The following COMTD1 variants were observed in gnomAD, a reference collection of about 807,000 sequenced individuals.
COMTD1 encodes catechol O-methyltransferase domain-containing protein 1.
COMTD1 carries 35 observed loss-of-function variants against 33.6 expected under a neutral mutation model. The observed-to-expected ratio is 1.04, with a 90% CI of 0.80 to 1.38. The LOEUF (loss-of-function observed/expected upper bound fraction) is 1.38. Among genes scored for constraint, COMTD1 ranks in the 40% most tolerant of loss-of-function variants. The pLI, the probability that COMTD1 is intolerant of heterozygous loss-of-function variation, is 0.00. For missense variants in COMTD1, 370 were observed against 363.4 expected, an observed-to-expected ratio of 1.02 and a Z score of -0.15; for synonymous variants, 160 against 176.8, an observed-to-expected ratio of 0.91 and a Z score of 0.75.
In COMTD1 at chr10:75,233,928, C is replaced by A; in HGVS notation, c.*145G>T. 6.5e-7 allele frequency: 1 copy of A among 1,527,302 alleles called. No individual in the cohort carries two copies. The highest frequency in any genetic ancestry group is 1.7e-4 in the Middle Eastern group (1 of 5,768). 94.6% of individuals were successfully genotyped at this position (1,527,302 alleles called of 1,614,324 possible). ...GCAGGAGCTGTCTGTGCTGGGCCTTCCCTCCCTTCCCCATCCAGCGCCACA... is the reference window on the plus strand; with the variant it reads ...GCAGGAGCTGTCTGTGCTGGGCCTTACCTCCCTTCCCCATCCAGCGCCACA... On this transcript the variant is annotated 3_prime_UTR_variant, in exon 7 of 7. Coordinates refer to ENST00000372538, the MANE Select transcript of COMTD1 (RefSeq NM_144589.4).
Position 75,234,195 on chromosome 10 carries a change from G to C in COMTD1, c.667C>G (p.Pro223Ala). Residue 223 changes from proline (P) to alanine (A), a missense_variant, in exon 7 of 7, where the codon CCG (proline) becomes GCG (alanine). Transcript: ENST00000372538. ...CACTCGGCCGCCACGTCCCCTTTCGGAGGTTGCAGCACCTTCCCGCGCCAC... is the reference window on the plus strand; with the variant it reads ...CACTCGGCCGCCACGTCCCCTTTCGCAGGTTGCAGCACCTTCCCGCGCCAC... Reference protein sequence around the residue: ...VLWRGKVLQPPKGDVAAECVR... With the variant: ...VLWRGKVLQPAKGDVAAECVR... The C allele has an allele frequency of 6.2e-7, 1 of 1,613,182 alleles. No individual in the cohort carries two copies. Among genetic ancestry groups the C allele is most frequent in the Non-Finnish European group, 8.5e-7 (1 of 1,180,016 alleles).
chr10:75,235,178 C>A lies in COMTD1; in HGVS notation c.329G>T (p.Gly110Val), dbSNP rs1031725514. The A allele has an allele frequency of 7.1e-7, 1 of 1,410,836 alleles. No homozygotes were observed. Among genetic ancestry groups the A allele is most frequent in the Non-Finnish European group, 9.2e-7 (1 of 1,088,080 alleles). The allele number at this position is 1,410,836 out of a possible 1,614,324, so 87.4% of individuals were successfully genotyped here. ...CAGGGCGGAGTAGCCCGTGAAGGTGCCTGGGACCAGGACACAGACGGGCTC... is the reference window on the plus strand; with the variant it reads ...CAGGGCGGAGTAGCCCGTGAAGGTGACTGGGACCAGGACACAGACGGGCTC... ...LIQAKKALDLGTFTGYSALAL... is the reference protein window; with the variant it reads ...LIQAKKALDLVTFTGYSALAL... The change falls in exon 4 of 7, where the codon GGC becomes GTC. Residue 110 changes from glycine to valine, a missense_variant and splice_region_variant. Gly to Val is a moderately radical substitution (Grantham distance 109). Transcript: ENST00000372538.
Position 75,233,853 on chromosome 10 carries a change from C to G in COMTD1, c.*220G>C. 1 of 1,270,058 alleles carries G rather than the reference C, an allele frequency of 7.9e-7. No individual in the cohort carries two copies. The allele number at this position is 1,270,058 out of a possible 1,614,324, so 78.7% of individuals were successfully genotyped here. A position where few individuals can be genotyped will look rare whatever the true frequency, so the allele number is the denominator to read the frequency against. On this transcript the variant is annotated 3_prime_UTR_variant, in exon 7 of 7. Transcript: ENST00000372538. ...GCTGGAGGTTCCTGCAGTTGGGCCACAGACCTGGCGCCAGGGAGGGGACGA... is the reference window on the plus strand; with the variant it reads ...GCTGGAGGTTCCTGCAGTTGGGCCAGAGACCTGGCGCCAGGGAGGGGACGA...
Position 75,234,053 on chromosome 10 carries a change from CCA to C in COMTD1, c.*18_*19del. The C allele has an allele frequency of 6.2e-7, 1 of 1,613,934 alleles. No individual in the cohort carries two copies. Among genetic ancestry groups the C allele is most frequent in the Non-Finnish European group, 8.5e-7 (1 of 1,180,028 alleles). On this transcript the variant is annotated 3_prime_UTR_variant, in exon 7 of 7. Transcript: ENST00000372538. ...GTTCCCAGGCAACCCTCCCTCGAGC[CCA>C]CTCACTAGGGGCCAGCCCTAGATCT...
intron 1 of COMTD1, 38 bp downstream of exon 1, chr10:75,235,797 G>GGGGGCCC: frequency 1.9e-6 from 3 of 1,538,632 alleles, no homozygotes; most frequent in Non-Finnish European, 2.6e-6. Context: ...CCTACTCTGC[G>GGGGGCCC]CCCGCCCACC....
Sources: allele counts gnomAD v4.1 joint callset, GRCh38; gene constraint gnomAD v4.1.1; transcripts MANE v1.5; gene names NCBI Gene and HGNC (gene_info 2026-07-23, HGNC 2026-07-21).